The following CLIC6 variants were observed in gnomAD, a reference collection of about 807,000 sequenced individuals.
The protein encoded by CLIC6 is chloride intracellular channel protein 6.
Under a neutral mutation model 49.2 loss-of-function variants are expected in CLIC6, and 39 were observed. That is an observed-to-expected ratio of 0.79 (90% CI 0.61 to 1.04). The LOEUF is 1.04. Among genes scored for constraint, CLIC6 ranks in the 50% least tolerant of loss-of-function variants. The probability of loss-of-function intolerance (pLI) is 0.00; values close to 1 mark genes in which losing one functional copy is unlikely to be tolerated. For missense variants in CLIC6, 988 were observed against 993.1 expected, an observed-to-expected ratio of 0.99 and a Z score of 0.07; for synonymous variants, 446 against 433.4, an observed-to-expected ratio of 1.03 and a Z score of -0.36.
intron 1 of CLIC6, among the ~76,000 whole-genome samples, chr21:34,693,936 T>C (rs930343963): frequency 1.3e-5 from 2 of 151,892 alleles, no homozygotes; most frequent in African/African-American, 2.4e-5. Context: ...AATGAGTTCT[T>C]ATGAGATCTG....
chr21:34,709,245 T>C (rs760896348), intron 4 of CLIC6, 112 bp from the exon 5 acceptor site: 5 of 887,876 alleles, frequency 5.6e-6, no homozygotes, highest in Non-Finnish European at 8.8e-6. Context: ...CCAGCACCCA[T>C]TGCTTGCTGG....
intron 1 of CLIC6, among the ~76,000 whole-genome samples, chr21:34,674,632 G>C (rs937003991): frequency 6.6e-6 from 1 of 152,150 alleles, no homozygotes; most frequent in South Asian, 2.1e-4. Context: ...AGCCAAGAAA[G>C]GTCTTAAATT....
chr21:34,711,784 C>T (rs755449002), intron 5 of CLIC6, among the ~76,000 whole-genome samples: 1 of 152,154 alleles, frequency 6.6e-6, no homozygotes, highest in Non-Finnish European at 1.5e-5. Flanking sequence ...CAGGAGGTTG[C>T]TGATCCCTTG....
At chr21:34,716,280 G>T in intron 5 of CLIC6, 41 bp from the exon 6 acceptor site, 1 of 1,575,164 alleles carries the variant, frequency 6.3e-7, no homozygotes, top group Non-Finnish European at 8.7e-7. Context: ...GCCTACCTTA[G>T]CAAGTTTTCC....
rs1321665256 is a variant in CLIC6, at chr21:34,690,749, A to G, written c.1375-16531A>G. On this transcript the variant is annotated intron_variant, in intron 1 of 5. Coordinates refer to ENST00000349499, the MANE Select transcript of CLIC6 (RefSeq NM_053277.3). The stretch of plus-strand genomic sequence containing the variant: ...CTCCTCAACTGCTTTATGGACAATT[A>G]CATGAAGCTGATTTCAGCCTGGGTC... 4.6e-5 allele frequency among the ~76,000 whole-genome samples: 7 copies of G among 151,904 alleles called. No homozygotes were observed. In the East Asian group the frequency reaches 1.4e-3, roughly 29 times the overall value.
intron 5 of CLIC6, among the ~76,000 whole-genome samples, chr21:34,710,012 C>A (rs2056045113): frequency 6.6e-6 from 1 of 152,068 alleles, no homozygotes; most frequent in African/African-American, 2.4e-5. Flanking sequence ...GTGGCTCATG[C>A]CTGTAATCCC....
At chr21:34,709,592 A>G in intron 5 of CLIC6, 54 bp downstream of exon 5, 1 of 1,520,524 alleles carries the variant, frequency 6.6e-7, no homozygotes, top group Admixed American at 1.8e-5. Context: ...GCTTTGTTTT[A>G]TTTTGTTTTT....
In CLIC6 at chr21:34,707,951, G is replaced by A. The variant is rs148002160; in HGVS notation, c.1492G>A (p.Ala498Thr). 3.0e-5 allele frequency: 49 copies of A among 1,613,914 alleles called. No individual in the cohort carries two copies. In the Admixed American group the frequency reaches 3.5e-4, roughly 12 times the overall value. Residue 498 changes from alanine (A) to threonine (T), a missense_variant, in exon 3 of 6, where the codon GCA becomes ACA. Physicochemically the swap from Ala to Thr is moderately conservative, Grantham distance 58 (BLOSUM62 0). Transcript: ENST00000349499. ...CTGTTTCCTCCCACCTAGGAAACCC[G>A]CAGACCTGCAGAACCTGGCTCCCGG... ...VTTVDLKRKP[A>T]DLQNLAPGTN... is the part of the protein sequence containing the mutation.
rs1399702670 is a variant in CLIC6 at position 34,673,487 on chromosome 21, C to T, written c.1374+2725C>T. 3.9e-5 allele frequency among the ~76,000 whole-genome samples: 6 copies of T among 152,112 alleles called. No individual in the cohort carries two copies. The East Asian group carries it at 9.7e-4, about 25-fold the overall frequency. On this transcript the variant is annotated intron_variant, in intron 1 of 5. Coordinates refer to ENST00000349499, the MANE Select transcript of CLIC6 (RefSeq NM_053277.3). Reference sequence around the variant, plus strand: ...TTGTGTTTTTGGTAGAATGGGGTTTCGCCATGTTGGCCAGCCTGGTCTCAA... The same window carrying T: ...TTGTGTTTTTGGTAGAATGGGGTTTTGCCATGTTGGCCAGCCTGGTCTCAA...
At chr21:34,677,283 G>A (rs1241141029) in intron 1 of CLIC6, among the ~76,000 whole-genome samples, 1 of 152,208 alleles carries the variant, frequency 6.6e-6, no homozygotes, top group Non-Finnish European at 1.5e-5. Context: ...GCTCTGCCAA[G>A]CTTTCAAAAC....
intron 1 of CLIC6, among the ~76,000 whole-genome samples, chr21:34,673,397 CT>C: frequency 6.6e-6 from 1 of 152,284 alleles, no homozygotes; most frequent in Admixed American, 6.5e-5. Context: ...TCAAGTGATT[CT>C]TGTGTCTCAG....
intron 1 of CLIC6, among the ~76,000 whole-genome samples, chr21:34,686,215 A>C (rs1423593464): frequency 6.6e-6 from 1 of 152,186 alleles, no homozygotes; most frequent in Non-Finnish European, 1.5e-5. Context: ...CAGCCTGGCT[A>C]ACATGGTGAA....
intron 5 of CLIC6, among the ~76,000 whole-genome samples, chr21:34,711,512 C>G (rs2056056242): frequency 6.6e-6 from 1 of 150,728 alleles, no homozygotes; most frequent in African/African-American, 2.4e-5. Context: ...GAGCAAGACT[C>G]TGTCAAATAA....
rs1425665302 is a variant in CLIC6, at chr21:34,709,527, C to T, written c.1888C>T (p.His630Tyr). The T allele has an allele frequency of 1.2e-6, 2 of 1,613,900 alleles. No homozygotes were observed. Among genetic ancestry groups the T allele is most frequent in the Non-Finnish European group, 8.5e-7 (1 of 1,179,824 alleles). ...TGACTGCAACCTCTTACCCAAGCTC[C>T]ATATTATTAAGGTTCATCTTCCCTC... ...LADCNLLPKL[H>Y]IIKIVAKKYR... is the part of the protein sequence containing the mutation. Residue 630 changes from histidine to tyrosine, a missense_variant, in exon 5 of 6, where the codon CAT becomes TAT. Physicochemically the swap from His to Tyr is moderately conservative, Grantham distance 83. This residue lies in a region of CLIC6 where 647 missense variants were observed against 596.9 expected (regional missense o/e 1.08). Coordinates refer to ENST00000349499, the MANE Select transcript of CLIC6 (RefSeq NM_053277.3).
chr21:34,681,603 C>A (rs75639096), intron 1 of CLIC6, among the ~76,000 whole-genome samples: 244 of 151,888 alleles, frequency 1.6e-3, no homozygotes, highest in Non-Finnish European at 1.9e-3. Context: ...TGTCGTTTGG[C>A]AGGAGGTGCA....
chr21:34,702,047 G>A (rs536793449), intron 1 of CLIC6, among the ~76,000 whole-genome samples: 503 of 152,284 alleles, frequency 3.3e-3, no homozygotes, highest in Non-Finnish European at 4.7e-3. Flanking sequence ...AGAATGAGCA[G>A]GGAGGAGCTG....
chr21:34,671,804 T>A (rs1227664307), intron 1 of CLIC6, among the ~76,000 whole-genome samples: 5 of 152,166 alleles, frequency 3.3e-5, no homozygotes. Context: ...ATGCTCCCAA[T>A]GTGATTAACA....
intron 1 of CLIC6, among the ~76,000 whole-genome samples, chr21:34,691,122 A>T (rs1989984669): frequency 6.6e-6 from 1 of 152,196 alleles, no homozygotes; most frequent in Admixed American, 6.5e-5. Flanking sequence ...TAAATTGCTA[A>T]CTTCTACAGG....
intron 1 of CLIC6, among the ~76,000 whole-genome samples, chr21:34,689,735 AG>A (rs1384860524): frequency 1.3e-5 from 2 of 152,006 alleles, no homozygotes; most frequent in Non-Finnish European, 2.9e-5. Flanking sequence ...GTGCAATGTC[AG>A]GCTGGGGCCT....
Sources: gnomAD v4.1 joint callset for allele counts (sites outside exome capture counted in the v4.1 genomes callset) on GRCh38, gnomAD v4.1.1 for gene constraint, gnomAD v4.1.1 regional missense constraint, MANE v1.5 for transcripts, NCBI Gene and HGNC (gene_info 2026-07-23, HGNC 2026-07-21) for gene names.